Variants in MAF observed in about 807,000 individuals in gnomAD.
MAF encodes transcription factor Maf.
Under a neutral mutation model 22.0 loss-of-function variants are expected in MAF, and 10 were observed. The observed-to-expected ratio is 0.45, with a 90% confidence interval of 0.28 to 0.77. MAF has a LOEUF of 0.77. Among genes scored for constraint, MAF ranks in the 30% least tolerant of loss-of-function variants. MAF has a pLI of 0.12. For missense variants in MAF, 544 were observed against 548.4 expected, an observed-to-expected ratio of 0.99 and a Z score of 0.08; for synonymous variants, 337 against 255.8, an observed-to-expected ratio of 1.32 and a Z score of -3.03.
chr16:79,423,308 G>A, the MAF span, among the ~76,000 whole-genome samples: 3 of 152,130 alleles, frequency 2.0e-5, no homozygotes, highest in Non-Finnish European at 2.9e-5. Context: ...AAGGAGAGGA[G>A]GTGGGAATGA....
the MAF span, among the ~76,000 whole-genome samples, chr16:79,265,411 C>G: frequency 6.6e-6 from 1 of 152,140 alleles, no homozygotes; most frequent in African/African-American, 2.4e-5. Context: ...TCACTTCTCT[C>G]TTTCGCCAGG....
In MAF at chr16:79,594,818, C is replaced by T. The variant is rs146826775; in HGVS notation, c.1119-265G>A. On this transcript the variant is annotated intron_variant, in intron 1 of 1. Transcript: ENST00000326043. Reference sequence around the variant, plus strand: ...ACTAGGAGTTAACCTTCTCTTACAGCCAGCCACTCAAACCTCATTTTTGCC... The same window carrying T: ...ACTAGGAGTTAACCTTCTCTTACAGTCAGCCACTCAAACCTCATTTTTGCC... 229 of 1,260,138 alleles carry T rather than the reference C, an allele frequency of 1.8e-4. No homozygotes were observed. In the African/African-American group the frequency reaches 3.2e-3, roughly 18 times the overall value. 78.1% of individuals were successfully genotyped at this position (1,260,138 alleles called of 1,614,324 possible).
chr16:79,519,194 G>T, the MAF span, among the ~76,000 whole-genome samples: 1 of 152,040 alleles, frequency 6.6e-6, no homozygotes, highest in African/African-American at 2.4e-5. Flanking sequence ...TCACTGACTT[G>T]TCCAAGCCCC....
the MAF span, among the ~76,000 whole-genome samples, chr16:79,440,862 T>C: frequency 1.3e-5 from 2 of 152,154 alleles, no homozygotes; most frequent in Admixed American, 6.5e-5. Flanking sequence ...TTTTCTGGAG[T>C]GGGAGAGACA....
chr16:79,227,508 G>A, the MAF span, among the ~76,000 whole-genome samples: 2 of 152,000 alleles, frequency 1.3e-5, no homozygotes, highest in Admixed American at 6.6e-5. Context: ...CCATGGTCGA[G>A]TAACGGTACT....
At chr16:79,429,473 C>T in the MAF span, among the ~76,000 whole-genome samples, 4 of 152,178 alleles carry the variant, frequency 2.6e-5, no homozygotes, top group Admixed American at 6.5e-5. Context: ...TCGCCTGATG[C>T]CACAAGATTA....
chr16:79,380,793 C>T, the MAF span, among the ~76,000 whole-genome samples: 5 of 152,360 alleles, frequency 3.3e-5, no homozygotes, highest in Non-Finnish European at 5.9e-5. Context: ...CAAAGCCACA[C>T]ACCCACCGGC....
chr16:79,365,590 T>C, the MAF span, among the ~76,000 whole-genome samples: 1 of 152,126 alleles, frequency 6.6e-6, no homozygotes, highest in African/African-American at 2.4e-5. Flanking sequence ...TGTTTTTTTT[T>C]TCCTGGGATT....
chr16:79,359,980 G>T, the MAF span, among the ~76,000 whole-genome samples: 1 of 152,140 alleles, frequency 6.6e-6, no homozygotes, highest in African/African-American at 2.4e-5. Context: ...CTTGGCATGG[G>T]GAGTATTGTT....
chr16:79,420,863 G>A, the MAF span, among the ~76,000 whole-genome samples: 8 of 152,176 alleles, frequency 5.3e-5, no homozygotes, highest in South Asian at 2.1e-4. Flanking sequence ...AACCCCTGCC[G>A]TCTCTACTAA....
the MAF span, among the ~76,000 whole-genome samples, chr16:79,471,595 C>G: frequency 6.6e-6 from 1 of 152,150 alleles, no homozygotes; most frequent in African/African-American, 2.4e-5. Context: ...GAGGATGGCT[C>G]CAGCCCTGGA....
chr16:79,218,393 T>C, the MAF span, among the ~76,000 whole-genome samples: 2 of 152,236 alleles, frequency 1.3e-5, no homozygotes, highest in East Asian at 1.9e-4. Context: ...ATGGTTCAAT[T>C]AGCATCTTTA....
downstream of MAF, among the ~76,000 whole-genome samples, chr16:79,581,350 T>C (rs913543544): frequency 6.6e-6 from 1 of 152,198 alleles, no homozygotes; most frequent in African/African-American, 2.4e-5. Context: ...CTCAGCCCTT[T>C]AATTAACTAC....
At chr16:79,512,171 T>G in the MAF span, among the ~76,000 whole-genome samples, 1 of 152,186 alleles carries the variant, frequency 6.6e-6, no homozygotes, top group Non-Finnish European at 1.5e-5. Flanking sequence ...AGACAGATCT[T>G]TCATCCTCTA....
chr16:79,548,130 T>G, the MAF span, among the ~76,000 whole-genome samples: 13 of 152,348 alleles, frequency 8.5e-5, no homozygotes, highest in East Asian at 2.5e-3. Flanking sequence ...CAAATTTGAT[T>G]TATTGGTCAA....
At chr16:79,214,144 T>C in the MAF span, among the ~76,000 whole-genome samples, 2 of 152,130 alleles carry the variant, frequency 1.3e-5, no homozygotes, top group Non-Finnish European at 2.9e-5. Flanking sequence ...TGTCACCCCA[T>C]TCTTATTCCC....
the MAF span, among the ~76,000 whole-genome samples, chr16:79,248,278 C>T: frequency 2.6e-5 from 4 of 151,768 alleles, no homozygotes; most frequent in East Asian, 1.9e-4. Flanking sequence ...ATAAATTTTG[C>T]TTTTTGGAAT....
chr16:79,588,521 G>A (rs1912997202), intron 1 of MAF, among the ~76,000 whole-genome samples: 2 of 151,794 alleles, frequency 1.3e-5, no homozygotes. Context: ...TGCAACCTCC[G>A]CCTCCCAGGT....
the MAF span, among the ~76,000 whole-genome samples, chr16:79,284,054 G>A: frequency 6.6e-6 from 1 of 150,742 alleles, no homozygotes; most frequent in Non-Finnish European, 1.5e-5. Flanking sequence ...CACTTACCAT[G>A]TTCCTCAACT....
Sources: allele counts gnomAD v4.1 joint callset (sites outside exome capture counted in the v4.1 genomes callset), GRCh38; gene constraint gnomAD v4.1.1; transcripts MANE v1.5; gene names NCBI Gene and HGNC (gene_info 2026-07-23, HGNC 2026-07-21).